The following CNTN4 variants were observed in gnomAD, a reference collection of about 807,000 sequenced individuals.
CNTN4 encodes the protein contactin 4.
CNTN4 carries 77 observed loss-of-function variants against 122.5 expected under a neutral mutation model. The observed-to-expected ratio is 0.63, with a 90% CI of 0.52 to 0.76. The LOEUF is 0.76. CNTN4 is among the 30% of genes least tolerant of loss of function. The pLI is 0.00. For synonymous variants in CNTN4, 512 were observed against 447.0 expected (o/e 1.15, Z -1.83); for missense variants, 1,256 against 1,259.1 (o/e 1.00, Z 0.04).
intron 3 of CNTN4, among the ~76,000 whole-genome samples, chr3:2,467,740 A>C (rs1158179829): frequency 6.6e-6 from 1 of 152,210 alleles, no homozygotes; most frequent in Non-Finnish European, 1.5e-5. Context: ...TTACAACAGA[A>C]GATAATAATC....
At chr3:2,457,365 G>A (rs2049041245) in intron 3 of CNTN4, among the ~76,000 whole-genome samples, 1 of 151,920 alleles carries the variant, frequency 6.6e-6, no homozygotes, top group Non-Finnish European at 1.5e-5. Flanking sequence ...CCTTAATAAT[G>A]AAAATTATAT....
chr3:2,512,714 C>G (rs959100261), intron 3 of CNTN4, among the ~76,000 whole-genome samples: 4 of 152,076 alleles, frequency 2.6e-5, no homozygotes, highest in Non-Finnish European at 5.9e-5. Flanking sequence ...CTAATGTGAA[C>G]CAAAGTGAAC....
intron 6 of CNTN4, among the ~76,000 whole-genome samples, chr3:2,804,380 T>C (rs754568480): frequency 7.9e-5 from 12 of 152,232 alleles, no homozygotes; most frequent in Non-Finnish European, 1.5e-4. Flanking sequence ...TATTCTGGCA[T>C]TATCGTTTAC....
intron 2 of CNTN4, among the ~76,000 whole-genome samples, chr3:2,273,373 G>A (rs1394787011): frequency 6.6e-6 from 1 of 152,046 alleles, no homozygotes; most frequent in Non-Finnish European, 1.5e-5. Flanking sequence ...AATGATAAAA[G>A]GCCCAACTCA....
chr3:2,555,818 G>C (rs1377394529), intron 3 of CNTN4, among the ~76,000 whole-genome samples: 1 of 152,170 alleles, frequency 6.6e-6, no homozygotes, highest in Non-Finnish European at 1.5e-5. Flanking sequence ...GGCTTGATCA[G>C]AGTTGTACTA....
intron 2 of CNTN4, among the ~76,000 whole-genome samples, chr3:2,272,031 A>C (rs2041319426): frequency 6.6e-6 from 1 of 152,200 alleles, no homozygotes; most frequent in Non-Finnish European, 1.5e-5. Flanking sequence ...ACAGTATTTC[A>C]GTATGATTCT....
At chr3:2,344,420 C>G (rs2044325288) in intron 3 of CNTN4, among the ~76,000 whole-genome samples, 1 of 151,924 alleles carries the variant, frequency 6.6e-6, no homozygotes, top group African/African-American at 2.4e-5. Context: ...GCTGGGATTA[C>G]AGGCGTCTGC....
At chr3:2,622,215 C>T (rs2082017150) in intron 4 of CNTN4, among the ~76,000 whole-genome samples, 2 of 152,064 alleles carry the variant, frequency 1.3e-5, no homozygotes. Flanking sequence ...TATTTATTAC[C>T]TTTTGGTGGG....
intron 3 of CNTN4, among the ~76,000 whole-genome samples, chr3:2,519,037 C>A (rs1268868177): frequency 6.6e-6 from 1 of 152,108 alleles, no homozygotes; most frequent in Non-Finnish European, 1.5e-5. Context: ...TCTGTTTGTA[C>A]AGAATACCCT....
At chr3:2,810,951 T>G (rs1050922542) in intron 6 of CNTN4, among the ~76,000 whole-genome samples, 3 of 151,990 alleles carry the variant, frequency 2.0e-5, no homozygotes, top group African/African-American at 7.2e-5. Flanking sequence ...CTTTCCCTTT[T>G]ACTCTGAAAT....
At chr3:2,113,598 C>G (rs2033122681) in intron 2 of CNTN4, among the ~76,000 whole-genome samples, 1 of 152,162 alleles carries the variant, frequency 6.6e-6, no homozygotes, top group South Asian at 2.1e-4. Flanking sequence ...TATACACAAC[C>G]TGCTTAATTG....
intron 17 of CNTN4, among the ~76,000 whole-genome samples, chr3:3,036,776 CAAAAAAAGAAAA>C (rs1293994678): frequency 1.8e-5 from 2 of 113,508 alleles, no homozygotes; most frequent in Admixed American, 8.7e-5. Flanking sequence ...GACCCTGTCT[CAAAAAAAGAAAA>C]AAAAAAAGAA....
At position 2,789,533 on chromosome 3, in the gene CNTN4, A is replaced by G. The variant is rs2091943220; in HGVS notation, c.359-29953A>G. 2.0e-5 allele frequency among the ~76,000 whole-genome samples: 3 copies of G among 152,178 alleles called. No homozygotes were observed. The South Asian group carries it at 6.2e-4, about 31-fold the overall frequency. On this transcript the variant is annotated intron_variant, in intron 6 of 24. Coordinates refer to ENST00000418658, the MANE Select transcript of CNTN4 (RefSeq NM_175607.3). ...CTGCAACCTCCGCCTCCCGGGTTCAAGTGATTCTTCTGCCTCAGCCTCCTG... is the reference window on the plus strand; with the variant it reads ...CTGCAACCTCCGCCTCCCGGGTTCAGGTGATTCTTCTGCCTCAGCCTCCTG...
intron 2 of CNTN4, among the ~76,000 whole-genome samples, chr3:2,127,215 G>A (rs1269524001): frequency 1.3e-5 from 2 of 152,072 alleles, no homozygotes; most frequent in East Asian, 1.9e-4. Context: ...GCCCTTTGTC[G>A]GGTTCCCATC....
chr3:2,525,552 T>G (rs541045243), intron 3 of CNTN4, among the ~76,000 whole-genome samples: 3 of 152,302 alleles, frequency 2.0e-5, no homozygotes, highest in African/African-American at 7.2e-5. Context: ...TGGCATACCT[T>G]TGTGTGTATG....
intron 4 of CNTN4, among the ~76,000 whole-genome samples, chr3:2,679,024 T>C (rs767317643): frequency 6.6e-6 from 1 of 152,230 alleles, no homozygotes; most frequent in African/African-American, 2.4e-5. Context: ...TGTTTTGAAT[T>C]TCAGTTCACT....
intron 2 of CNTN4, among the ~76,000 whole-genome samples, chr3:2,205,564 G>A (rs1445274525): frequency 3.9e-5 from 6 of 152,022 alleles, no homozygotes; most frequent in South Asian, 2.1e-4. Flanking sequence ...TCACTCAATC[G>A]TAAGCTCCCA....
chr3:2,624,390 A>G (rs1372002576), intron 4 of CNTN4, among the ~76,000 whole-genome samples: 4 of 152,104 alleles, frequency 2.6e-5, no homozygotes. Context: ...CTACTTTGAT[A>G]TATTCAGTAC....
At chr3:2,485,616 A>C (rs1255591822) in intron 3 of CNTN4, among the ~76,000 whole-genome samples, 1 of 151,680 alleles carries the variant, frequency 6.6e-6, no homozygotes, top group African/African-American at 2.4e-5. Flanking sequence ...GTATCTAGGT[A>C]ATCTGGGGGG....
Sources: gnomAD v4.1 joint callset for allele counts (sites outside exome capture counted in the v4.1 genomes callset) on GRCh38, gnomAD v4.1.1 for gene constraint, MANE v1.5 for transcripts, NCBI Gene and HGNC (gene_info 2026-07-23, HGNC 2026-07-21) for gene names.